The following CSMD1 variants were observed in gnomAD, a reference collection of about 807,000 sequenced individuals.
CSMD1 encodes the protein CUB and Sushi multiple domains 1, also known as CUB and sushi domain-containing protein 1.
Under a neutral mutation model 417.5 loss-of-function variants are expected in CSMD1, and 213 were observed. That is an observed-to-expected ratio of 0.51 (90% CI 0.46 to 0.57). The LOEUF (loss-of-function observed/expected upper bound fraction) is 0.57, where lower values mean the gene tolerates loss of function less well. Among genes scored for constraint, CSMD1 ranks in the 20% least tolerant of loss-of-function variants. The pLI is 0.00. For missense variants in CSMD1, 6,923 were observed against 4,529.7 expected, an observed-to-expected ratio of 1.53 and a Z score of -15.17; for synonymous variants, 2,862 against 1,736.8, an observed-to-expected ratio of 1.65 and a Z score of -16.11.
chr8:4,765,614 A>C (rs1812412051), intron 1 of CSMD1, among the ~76,000 whole-genome samples: 1 of 152,218 alleles, frequency 6.6e-6, no homozygotes, highest in Non-Finnish European at 1.5e-5. Flanking sequence ...CTGAGAAAAA[A>C]TTGGATGCAA....
intron 10 of CSMD1, among the ~76,000 whole-genome samples, chr8:3,558,645 GT>G (rs1799323850): frequency 7.1e-6 from 1 of 139,888 alleles, no homozygotes; most frequent in Non-Finnish European, 1.5e-5. Flanking sequence ...ATAGTACCCC[GT>G]GTCCACTCCT....
At chr8:4,382,049 C>G (rs964048996) in intron 3 of CSMD1, among the ~76,000 whole-genome samples, 9 of 152,294 alleles carry the variant, frequency 5.9e-5, no homozygotes, top group Admixed American at 3.9e-4. Flanking sequence ...TTATGCGACA[C>G]CAGAACTGGG....
intron 3 of CSMD1, among the ~76,000 whole-genome samples, chr8:4,211,914 T>C (rs1800334824): frequency 6.6e-6 from 1 of 152,194 alleles, no homozygotes; most frequent in South Asian, 2.1e-4. Context: ...ATCATCAATG[T>C]ACTATTAGGA....
chr8:3,081,565 T>C (rs993148026), intron 49 of CSMD1, among the ~76,000 whole-genome samples: 5 of 152,244 alleles, frequency 3.3e-5, no homozygotes, highest in African/African-American at 1.2e-4. Flanking sequence ...TATTTTAACA[T>C]TTGCATTAGT....
chr8:4,073,356 T>G (rs550900323), intron 3 of CSMD1, among the ~76,000 whole-genome samples: 1 of 152,176 alleles, frequency 6.6e-6, no homozygotes, highest in African/African-American at 2.4e-5. Context: ...CTTAGTCACA[T>G]AAGAGCAAGG....
At chr8:3,949,096 T>G (rs1158528166) in intron 5 of CSMD1, among the ~76,000 whole-genome samples, 1 of 152,230 alleles carries the variant, frequency 6.6e-6, no homozygotes, top group Admixed American at 6.5e-5. Flanking sequence ...AAATTATACC[T>G]ATTTATGATG....
At chr8:4,662,995 G>A (rs771210883) in intron 1 of CSMD1, among the ~76,000 whole-genome samples, 3 of 152,216 alleles carry the variant, frequency 2.0e-5, no homozygotes, top group Admixed American at 6.5e-5. Flanking sequence ...ATGTGGAGAA[G>A]GCTTTTGTTT....
chr8:3,167,167 C>T (rs931886278), intron 37 of CSMD1, among the ~76,000 whole-genome samples: 1 of 151,924 alleles, frequency 6.6e-6, no homozygotes, highest in Non-Finnish European at 1.5e-5. Context: ...TGCCTGTAAT[C>T]GCAGGTACTT....
At chr8:4,459,207 A>T (rs142551438) in intron 2 of CSMD1, among the ~76,000 whole-genome samples, 12 of 152,326 alleles carry the variant, frequency 7.9e-5, no homozygotes, top group African/African-American at 2.9e-4. Context: ...TGTCGCTTTC[A>T]AGTTCCACCT....
intron 23 of CSMD1, among the ~76,000 whole-genome samples, chr8:3,322,121 C>T (rs954991066): frequency 1.3e-5 from 2 of 152,038 alleles, no homozygotes; most frequent in Non-Finnish European, 2.9e-5. Flanking sequence ...TTATGAATAC[C>T]AAATACTGTT....
intron 3 of CSMD1, among the ~76,000 whole-genome samples, chr8:4,177,708 C>G (rs1402260662): frequency 1.1e-4 from 17 of 148,214 alleles, no homozygotes; most frequent in African/African-American, 1.7e-4. Flanking sequence ...AAAAAAGAGA[C>G]AAGAATCAAA....
At chr8:4,093,779 G>A (rs537359398) in intron 3 of CSMD1, among the ~76,000 whole-genome samples, 4 of 152,092 alleles carry the variant, frequency 2.6e-5, no homozygotes, top group Non-Finnish European at 5.9e-5. Flanking sequence ...TGGCCAACAT[G>A]GTGAAATCCC....
intron 11 of CSMD1, among the ~76,000 whole-genome samples, chr8:3,478,247 A>G (rs1324191161): frequency 3.3e-5 from 5 of 152,232 alleles, no homozygotes; most frequent in African/African-American, 1.2e-4. Flanking sequence ...TGAATTATAA[A>G]TTGTTCACGT....
intron 12 of CSMD1, among the ~76,000 whole-genome samples, chr8:3,443,663 T>C (rs1179382353): frequency 6.6e-6 from 1 of 152,202 alleles, no homozygotes; most frequent in Non-Finnish European, 1.5e-5. Flanking sequence ...CAAATCTTTG[T>C]ATATCACAAT....
chr8:4,562,555 A>C (rs1490165479), intron 2 of CSMD1, among the ~76,000 whole-genome samples: 2 of 152,190 alleles, frequency 1.3e-5, no homozygotes, highest in Non-Finnish European at 2.9e-5. Flanking sequence ...TATACATGAA[A>C]TGGAACAAAA....
chr8:4,186,339 C>T (rs1158643171), intron 3 of CSMD1, among the ~76,000 whole-genome samples: 2 of 152,094 alleles, frequency 1.3e-5, no homozygotes, highest in African/African-American at 4.8e-5. Context: ...TCCTCATGGC[C>T]CAGCCCTGGG....
At chr8:3,632,424 A>G (rs1402677992) in intron 7 of CSMD1, among the ~76,000 whole-genome samples, 1 of 152,104 alleles carries the variant, frequency 6.6e-6, no homozygotes, top group Admixed American at 6.6e-5. Context: ...TCCATGTTAT[A>G]GGAGATTATT....
At chr8:4,708,117 T>C (rs1046761587) in intron 1 of CSMD1, among the ~76,000 whole-genome samples, 1 of 126,732 alleles carries the variant, frequency 7.9e-6, no homozygotes, top group Non-Finnish European at 1.8e-5. Context: ...TAATTTTTTG[T>C]ATTTTTTTTT....
chr8:4,450,648 G>A (rs1352347069), intron 2 of CSMD1, among the ~76,000 whole-genome samples: 1 of 152,030 alleles, frequency 6.6e-6, no homozygotes, highest in African/African-American at 2.4e-5. Context: ...AAAAAATTTG[G>A]TACTTTGATG....
Sources: allele counts gnomAD v4.1 joint callset (sites outside exome capture counted in the v4.1 genomes callset), GRCh38; gene constraint gnomAD v4.1.1; transcripts MANE v1.5; gene names NCBI Gene and HGNC (gene_info 2026-07-23, HGNC 2026-07-21).